The following GALNTL6 variants were observed in gnomAD, a reference collection of about 807,000 sequenced individuals.
GALNTL6 encodes the protein polypeptide N-acetylgalactosaminyltransferase like 6.
In GALNTL6, 46 loss-of-function variants were observed where a neutral mutation model predicts 73.7. That is an observed-to-expected ratio of 0.62 (90% CI 0.49 to 0.80). The LOEUF (loss-of-function observed/expected upper bound fraction) is 0.80. Among genes scored for constraint, GALNTL6 ranks in the 30% least tolerant of loss-of-function variants. GALNTL6 has a pLI of 0.00. For synonymous variants in GALNTL6, 259 were observed against 263.7 expected, an observed-to-expected ratio of 0.98 and a Z score of 0.17; for missense variants, 604 against 755.0, an observed-to-expected ratio of 0.80 and a Z score of 2.34.
chr4:172,863,375 G>A (rs1285200236), intron 7 of GALNTL6, among the ~76,000 whole-genome samples: 1 of 152,168 alleles, frequency 6.6e-6, no homozygotes, highest in Non-Finnish European at 1.5e-5. Flanking sequence ...GCCAGGAAGG[G>A]GGCTGTACCC....
chr4:171,839,293 A>C (rs1225045119), intron 2 of GALNTL6, among the ~76,000 whole-genome samples: 1 of 152,052 alleles, frequency 6.6e-6, no homozygotes, highest in Non-Finnish European at 1.5e-5. Context: ...TTTGTTCATA[A>C]ATTTGCATAT....
chr4:172,312,760 A>G (rs1169134646), intron 4 of GALNTL6, among the ~76,000 whole-genome samples: 1 of 152,154 alleles, frequency 6.6e-6, no homozygotes, highest in Admixed American at 6.5e-5. Flanking sequence ...TTGAAGGACT[A>G]TTTTCTAGTT....
intron 2 of GALNTL6, among the ~76,000 whole-genome samples, chr4:171,826,305 T>A (rs1283515446): frequency 2.0e-5 from 3 of 152,182 alleles, no homozygotes; most frequent in Non-Finnish European, 4.4e-5. Flanking sequence ...GCCATTTGCA[T>A]GGGTGTTTTC....
At chr4:172,119,208 A>G (rs1272107173) in intron 2 of GALNTL6, among the ~76,000 whole-genome samples, 2 of 152,184 alleles carry the variant, frequency 1.3e-5, no homozygotes, top group Admixed American at 1.3e-4. Flanking sequence ...TTTATTGCGC[A>G]TTCATGGCTC....
intron 5 of GALNTL6, among the ~76,000 whole-genome samples, chr4:172,729,879 G>GT (rs966728263): frequency 6.6e-6 from 1 of 151,848 alleles, no homozygotes; most frequent in African/African-American, 2.4e-5. Flanking sequence ...CTATCTTTCT[G>GT]TTTTTTTGGT....
chr4:172,046,186 T>G (rs1742215509), intron 2 of GALNTL6, among the ~76,000 whole-genome samples: 1 of 152,106 alleles, frequency 6.6e-6, no homozygotes, highest in South Asian at 2.1e-4. Flanking sequence ...ACAACTTGGC[T>G]GTTGTGGATG....
intron 5 of GALNTL6, among the ~76,000 whole-genome samples, chr4:172,720,309 A>G (rs1448037443): frequency 6.6e-6 from 1 of 152,260 alleles, no homozygotes; most frequent in African/African-American, 2.4e-5. Context: ...AAGGGGAAAC[A>G]GGGATCCTCC....
chr4:172,531,832 G>A (rs1440919304), intron 5 of GALNTL6, among the ~76,000 whole-genome samples: 1 of 152,198 alleles, frequency 6.6e-6, no homozygotes, highest in Admixed American at 6.5e-5. Flanking sequence ...GGGAGAAGGG[G>A]TGAGAGAGCT....
At chr4:172,251,352 GA>G (rs1737865354) in intron 3 of GALNTL6, among the ~76,000 whole-genome samples, 1 of 152,056 alleles carries the variant, frequency 6.6e-6, no homozygotes, top group Non-Finnish European at 1.5e-5. Context: ...CAATCTCATC[GA>G]AAGGAACTCT....
intron 5 of GALNTL6, among the ~76,000 whole-genome samples, chr4:172,582,758 AC>A (rs2110977401): frequency 6.6e-6 from 1 of 151,342 alleles, no homozygotes; most frequent in South Asian, 2.1e-4. Context: ...ACACACACAC[AC>A]ACACACACAC....
At chr4:172,007,516 A>G (rs1286093441) in intron 2 of GALNTL6, among the ~76,000 whole-genome samples, 1 of 152,158 alleles carries the variant, frequency 6.6e-6, no homozygotes, top group Admixed American at 6.6e-5. Context: ...GCAGCAATTA[A>G]CAATCACTGC....
chr4:171,920,888 G>A (rs75662450), intron 2 of GALNTL6, among the ~76,000 whole-genome samples: 6,040 of 152,054 alleles, frequency 0.04, 350 homozygotes, highest in African/African-American at 0.12. Flanking sequence ...AATCTTGAAT[G>A]AATTCCAAAA....
chr4:172,543,942 AC>A (rs1466182742), intron 5 of GALNTL6, among the ~76,000 whole-genome samples: 1 of 152,128 alleles, frequency 6.6e-6, no homozygotes, highest in Non-Finnish European at 1.5e-5. Context: ...CCTCACAACA[AC>A]CCTATGAAAT....
chr4:172,084,891 C>T (rs932168622), intron 2 of GALNTL6, among the ~76,000 whole-genome samples: 8 of 152,192 alleles, frequency 5.3e-5, no homozygotes, highest in South Asian at 2.1e-4. Flanking sequence ...GATGTTGTCA[C>T]GTAAAATTAT....
chr4:172,601,927 A>T (rs2111025604), intron 5 of GALNTL6, among the ~76,000 whole-genome samples: 1 of 152,250 alleles, frequency 6.6e-6, no homozygotes, highest in Non-Finnish European at 1.5e-5. Flanking sequence ...TACTCAAAAG[A>T]ACTTAATAGC....
At chr4:172,952,885 G>A (rs1749527805) in intron 10 of GALNTL6, among the ~76,000 whole-genome samples, 1 of 152,180 alleles carries the variant, frequency 6.6e-6, no homozygotes, top group Admixed American at 6.5e-5. Flanking sequence ...GGCGTTTGTA[G>A]AGAATTGATA....
At chr4:172,088,788 C>T (rs777813776) in intron 2 of GALNTL6, among the ~76,000 whole-genome samples, 1 of 152,024 alleles carries the variant, frequency 6.6e-6, no homozygotes, top group Non-Finnish European at 1.5e-5. Context: ...ATCCTGTGCT[C>T]GAGAGAGACA....
At chr4:172,605,962 A>G (rs559279768) in intron 5 of GALNTL6, among the ~76,000 whole-genome samples, 1 of 152,042 alleles carries the variant, frequency 6.6e-6, no homozygotes, top group East Asian at 2.0e-4. Context: ...CCCCTTGCAT[A>G]AGGTGTGAAT....
intron 5 of GALNTL6, among the ~76,000 whole-genome samples, chr4:172,711,326 T>G (rs979431665): frequency 3.2e-4 from 48 of 152,224 alleles, no homozygotes; most frequent in African/African-American, 1.0e-3. Flanking sequence ...TAGAGATTAC[T>G]GCGGCTGAAG....
Sources: allele counts gnomAD v4.1 joint callset (sites outside exome capture counted in the v4.1 genomes callset), GRCh38; gene constraint gnomAD v4.1.1; transcripts MANE v1.5; gene names NCBI Gene and HGNC (gene_info 2026-07-23, HGNC 2026-07-21).